NFIB: variants seen among roughly 807,000 people sequenced by gnomAD.
NFIB encodes nuclear factor 1 B-type.
A neutral mutation model predicts 61.5 loss-of-function variants in NFIB; 11 were observed. The observed-to-expected ratio is 0.18, with a 90% confidence interval of 0.11 to 0.30. NFIB has a LOEUF of 0.30. Ranked by LOEUF, NFIB falls within the 10% of genes least tolerant of loss-of-function variation. NFIB has a pLI of 1.00. For synonymous variants in NFIB, 260 were observed against 216.5 expected (o/e 1.20, Z -1.76); for missense variants, 471 against 608.9 (o/e 0.77, Z 2.38).
intron 10 of NFIB, among the ~76,000 whole-genome samples, chr9:14,100,610 T>C (rs2035625510): frequency 6.6e-6 from 1 of 152,072 alleles, no homozygotes; most frequent in Admixed American, 6.5e-5. Context: ...CGGAGGGGGC[T>C]GAGGCAGGCA....
chr9:14,252,817 T>A (rs1043665399), intron 2 of NFIB, among the ~76,000 whole-genome samples: 1 of 152,206 alleles, frequency 6.6e-6, no homozygotes, highest in African/African-American at 2.4e-5. Context: ...TGTCTTTCCA[T>A]CTCCTGCAGC....
chr9:14,265,771 C>A (rs149637622), intron 2 of NFIB, among the ~76,000 whole-genome samples: 13 of 152,286 alleles, frequency 8.5e-5, no homozygotes, highest in African/African-American at 2.6e-4. Context: ...GAGCTACATG[C>A]TAGAGACACA....
intron 2 of NFIB, among the ~76,000 whole-genome samples, chr9:14,225,374 G>A (rs1362542148): frequency 2.0e-5 from 3 of 147,920 alleles, no homozygotes; most frequent in South Asian, 2.1e-4. Context: ...GGAGAATGGC[G>A]TGAACCCGGG....
At chr9:14,407,756 A>G in the NFIB span, among the ~76,000 whole-genome samples, 1 of 152,140 alleles carries the variant, frequency 6.6e-6, no homozygotes, top group African/African-American at 2.4e-5. Context: ...GTACAATCAT[A>G]GCTCACTGTA....
At chr9:14,392,135 G>A (rs2061629605) in intron 1 of NFIB, among the ~76,000 whole-genome samples, 1 of 152,118 alleles carries the variant, frequency 6.6e-6, no homozygotes, top group East Asian at 1.9e-4. Flanking sequence ...CAAAAACAAG[G>A]AAAGTCTGAG....
At chr9:14,492,489 C>T in the NFIB span, among the ~76,000 whole-genome samples, 1 of 152,132 alleles carries the variant, frequency 6.6e-6, no homozygotes, top group Non-Finnish European at 1.5e-5. Flanking sequence ...ATCTGCTCTG[C>T]TTCTGGGGAG....
chr9:14,234,362 T>A (rs994151015), intron 2 of NFIB, among the ~76,000 whole-genome samples: 1 of 139,956 alleles, frequency 7.1e-6, no homozygotes, highest in Non-Finnish European at 1.5e-5. Context: ...TGTAGGTATA[T>A]TATCATTACT....
the NFIB span, among the ~76,000 whole-genome samples, chr9:14,508,587 A>G: frequency 2.6e-5 from 4 of 152,254 alleles, no homozygotes; most frequent in Admixed American, 2.6e-4. Context: ...CTTGTGTCCC[A>G]TATCACGGAG....
chr9:14,381,450 C>T (rs556880965), intron 1 of NFIB, among the ~76,000 whole-genome samples: 1 of 152,260 alleles, frequency 6.6e-6, no homozygotes, highest in East Asian at 1.9e-4. Flanking sequence ...CTCAGCCTCC[C>T]AAAGTGCTAG....
the NFIB span, among the ~76,000 whole-genome samples, chr9:14,505,339 G>A: frequency 6.6e-6 from 1 of 152,280 alleles, no homozygotes; most frequent in Non-Finnish European, 1.5e-5. Flanking sequence ...TCCTTCCCTG[G>A]TTTTAGTATT....
chr9:14,234,098 A>G (rs1422582695), intron 2 of NFIB, among the ~76,000 whole-genome samples: 3 of 152,160 alleles, frequency 2.0e-5, no homozygotes, highest in African/African-American at 7.2e-5. Context: ...CCAGGATTGA[A>G]GCCTGCAGTC....
intron 2 of NFIB, among the ~76,000 whole-genome samples, chr9:14,291,513 A>C (rs1283680883): frequency 2.0e-5 from 3 of 152,142 alleles, no homozygotes; most frequent in African/African-American, 7.2e-5. Flanking sequence ...GATTCATTGA[A>C]AGTTGCTTTT....
chr9:14,367,111 G>T (rs1434812866), intron 1 of NFIB, among the ~76,000 whole-genome samples: 1 of 152,168 alleles, frequency 6.6e-6, no homozygotes, highest in Admixed American at 6.5e-5. Context: ...TCTACTCAGT[G>T]CAACAGTATT....
In NFIB at chr9:14,246,212, T is replaced by C. The variant is rs182452272; in HGVS notation, c.562+60777A>G. On this transcript the variant is annotated intron_variant, in intron 2 of 10. Coordinates refer to ENST00000380953, the MANE Select transcript of NFIB (RefSeq NM_001190737.2). ...TAATTTTAACACTTTCCCTTTTCCA[T>C]AAGACCTTCAAGGGCTTTCCACTGC... is the stretch of plus-strand genomic sequence containing the variant. Among the ~76,000 whole-genome samples the C allele has an allele frequency of 2.6e-5, 4 of 152,236 alleles. 1 individual carries two copies. Among genetic ancestry groups the C allele is most frequent in the African/African-American group, 9.6e-5 (4 of 41,554 alleles).
At chr9:14,166,577 G>C (rs187172751) in intron 3 of NFIB, among the ~76,000 whole-genome samples, 3 of 152,300 alleles carry the variant, frequency 2.0e-5, no homozygotes, top group Admixed American at 1.3e-4. Context: ...GGCTGGAATA[G>C]CATTAGTCCT....
At chr9:14,351,288 C>T (rs181616112) in intron 1 of NFIB, among the ~76,000 whole-genome samples, 1 of 152,114 alleles carries the variant, frequency 6.6e-6, no homozygotes, top group African/African-American at 2.4e-5. Flanking sequence ...CTGACTTTGC[C>T]GAAAGTAATT....
chr9:14,262,908 C>G (rs1375564760), intron 2 of NFIB, among the ~76,000 whole-genome samples: 1 of 151,990 alleles, frequency 6.6e-6, no homozygotes, highest in Non-Finnish European at 1.5e-5. Flanking sequence ...ATTTTAGAGG[C>G]AGCCATTTCC....
the NFIB span, among the ~76,000 whole-genome samples, chr9:14,465,572 TACACACACACAC>T: frequency 7.5e-5 from 11 of 146,200 alleles, no homozygotes; most frequent in Admixed American, 1.4e-4. Context: ...AATGACTTGT[TACACACACACAC>T]ACACACACAC....
chr9:14,507,736 AAG>A, the NFIB span, among the ~76,000 whole-genome samples: 1 of 152,178 alleles, frequency 6.6e-6, no homozygotes, highest in Non-Finnish European at 1.5e-5. Context: ...GAGAAGAAGA[AAG>A]AGGTTGGAAT....
Sources: allele counts gnomAD v4.1 joint callset (sites outside exome capture counted in the v4.1 genomes callset), GRCh38; gene constraint gnomAD v4.1.1; transcripts MANE v1.5; gene names NCBI Gene and HGNC (gene_info 2026-07-23, HGNC 2026-07-21).